CDH11: variants seen among roughly 807,000 people sequenced by gnomAD.
CDH11 encodes the protein cadherin 11, also known as cadherin-11.
Under a neutral mutation model 67.8 loss-of-function variants are expected in CDH11, and 11 were observed. That is an observed-to-expected ratio of 0.16 (90% CI 0.10 to 0.27). CDH11 has a LOEUF of 0.27. CDH11 is among the 10% of genes least tolerant of loss of function. CDH11 has a pLI of 1.00. For missense variants in CDH11, 847 were observed against 1,031.2 expected, an observed-to-expected ratio of 0.82 and a Z score of 2.45; for synonymous variants, 419 against 400.0, an observed-to-expected ratio of 1.05 and a Z score of -0.57.
At chr16:64,953,356 A>G (rs538014031) in intron 11 of CDH11, among the ~76,000 whole-genome samples, 74 of 151,948 alleles carry the variant, frequency 4.9e-4, no homozygotes, top group Non-Finnish European at 9.9e-4. Context: ...AATTCTGAAT[A>G]TTGCAGATGG....
chr16:65,032,938 G>A (rs2073673571), intron 2 of CDH11, among the ~76,000 whole-genome samples: 1 of 152,186 alleles, frequency 6.6e-6, no homozygotes, highest in Non-Finnish European at 1.5e-5. Context: ...GATCACAGCA[G>A]CAATTAGGCA....
intron 2 of CDH11, among the ~76,000 whole-genome samples, chr16:65,052,877 G>C (rs539965079): frequency 1.3e-5 from 2 of 152,310 alleles, no homozygotes; most frequent in South Asian, 4.2e-4. Context: ...CCAAATGATA[G>C]AATGAATAGG....
chr16:65,038,207 G>C (rs1270777838), intron 2 of CDH11, among the ~76,000 whole-genome samples: 1 of 151,980 alleles, frequency 6.6e-6, no homozygotes, highest in Admixed American at 6.6e-5. Flanking sequence ...CTCTGGCAGG[G>C]GGATTACAAG....
chr16:64,968,072 G>A (rs2071891392), intron 11 of CDH11, among the ~76,000 whole-genome samples: 1 of 152,228 alleles, frequency 6.6e-6, no homozygotes, highest in Admixed American at 6.5e-5. Flanking sequence ...GAAGAGACAC[G>A]AGCTTTATAT....
chr16:64,957,643 T>TAC (rs2071554362), intron 11 of CDH11, among the ~76,000 whole-genome samples: 2 of 145,598 alleles, frequency 1.4e-5, no homozygotes, highest in Non-Finnish European at 3.0e-5. Context: ...CCCATCCATA[T>TAC]ATATATATAT....
chr16:64,991,963 G>A (rs775777550), intron 5 of CDH11, 28 bp from the exon 6 acceptor site: 77 of 1,525,654 alleles, frequency 5.0e-5, no homozygotes, highest in Non-Finnish European at 6.7e-5. Flanking sequence ...CAACATCACA[G>A]ATATTCGTTT....
chr16:64,980,202 T>A (rs1455030947), intron 8 of CDH11, among the ~76,000 whole-genome samples: 1 of 152,140 alleles, frequency 6.6e-6, no homozygotes, highest in East Asian at 1.9e-4. Context: ...ATTGTACAAG[T>A]TGAACAGGTA....
At chr16:65,089,335 C>T (rs969917691) in intron 1 of CDH11, among the ~76,000 whole-genome samples, 1 of 152,120 alleles carries the variant, frequency 6.6e-6, no homozygotes, top group Non-Finnish European at 1.5e-5. Context: ...AGAAGATGAT[C>T]AAGTTCTAGG....
intron 11 of CDH11, among the ~76,000 whole-genome samples, chr16:64,955,008 A>T (rs1244433229): frequency 1.3e-5 from 2 of 151,604 alleles, no homozygotes; most frequent in African/African-American, 4.8e-5. Flanking sequence ...GCACTTTGGG[A>T]GGCCGAGGCA....
At chr16:65,115,724 A>AAAAAAAAAAAC (rs2075234019) in intron 1 of CDH11, among the ~76,000 whole-genome samples, 1 of 147,316 alleles carries the variant, frequency 6.8e-6, no homozygotes, top group African/African-American at 2.6e-5. Context: ...AAAAAAAACA[A>AAAAAAAAAAAC]AAAAACAAAA....
At position 65,043,060 on chromosome 16, in the gene CDH11, G is replaced by A. The variant is rs528126168; in HGVS notation, c.-173+10744C>T. On this transcript the variant is annotated intron_variant, in intron 2 of 12. Coordinates refer to ENST00000268603, the MANE Select transcript of CDH11 (RefSeq NM_001797.4). The stretch of plus-strand genomic sequence containing the variant: ...AGGTGACCAGAATGCTCTGAAAGTT[G>A]CATAATTTTAGTGCAGAAACAGGAT... Among the ~76,000 whole-genome samples the A allele has an allele frequency of 5.9e-5, 9 of 152,320 alleles. No individual in the cohort carries two copies. In the South Asian group the frequency reaches 1.9e-3, roughly 32 times the overall value.
chr16:64,959,992 T>C (rs879334980), intron 11 of CDH11, among the ~76,000 whole-genome samples: 1 of 152,218 alleles, frequency 6.6e-6, no homozygotes, highest in African/African-American at 2.4e-5. Flanking sequence ...TGCTTTCTTA[T>C]TTTTATTTTT....
At chr16:64,999,637 G>T (rs1463494203) in intron 3 of CDH11, among the ~76,000 whole-genome samples, 1 of 151,938 alleles carries the variant, frequency 6.6e-6, no homozygotes, top group Non-Finnish European at 1.5e-5. Flanking sequence ...ATGTTCAAGC[G>T]ATTTCTCCTA....
chr16:64,968,368 C>T (rs1319458582), intron 11 of CDH11: 28 of 937,812 alleles, frequency 3.0e-5, no homozygotes, highest in Middle Eastern at 5.5e-4. Context: ...TTTTCTCATC[C>T]ATTACATATT....
At chr16:65,114,650 C>G (rs1487869314) in intron 1 of CDH11, among the ~76,000 whole-genome samples, 1 of 152,100 alleles carries the variant, frequency 6.6e-6, no homozygotes, top group Non-Finnish European at 1.5e-5. Flanking sequence ...TTGCAAGGTG[C>G]AGGCAGGAGG....
chr16:65,120,983 C>T (rs7193430), intron 1 of CDH11, among the ~76,000 whole-genome samples: 32,018 of 152,210 alleles, frequency 0.21, 3,706 homozygotes, highest in Middle Eastern at 0.32. Flanking sequence ...CACCTCCCGG[C>T]TCGCGTTCCG....
At chr16:64,963,743 AG>A (rs1178516861) in intron 11 of CDH11, among the ~76,000 whole-genome samples, 2 of 152,210 alleles carry the variant, frequency 1.3e-5, no homozygotes, top group Non-Finnish European at 2.9e-5. Flanking sequence ...AGAGGAATAA[AG>A]ATAAGAATTA....
chr16:65,006,116 A>G (rs1260721098), intron 2 of CDH11, among the ~76,000 whole-genome samples: 1 of 152,178 alleles, frequency 6.6e-6, no homozygotes, highest in Non-Finnish European at 1.5e-5. Context: ...CTCCTCTCTT[A>G]GAACCATACA....
Position 64,946,729 on chromosome 16 carries a change from A to C in CDH11, c.*874T>G, listed in dbSNP as rs2071204710. On this transcript the variant is annotated 3_prime_UTR_variant, in exon 13 of 13. Coordinates refer to ENST00000268603, the MANE Select transcript of CDH11 (RefSeq NM_001797.4). ...ACAATTAAATTAGAAATATAAATGGATCATTAGAAATACTTAACGTTTGTT... is the reference window on the plus strand; with the variant it reads ...ACAATTAAATTAGAAATATAAATGGCTCATTAGAAATACTTAACGTTTGTT... The C allele has an allele frequency of 1.1e-6, 1 of 903,896 alleles. No homozygotes were observed. Among genetic ancestry groups the C allele is most frequent in the Middle Eastern group, 5.2e-4 (1 of 1,922 alleles). 56.0% of individuals were successfully genotyped at this position (903,896 alleles called of 1,614,324 possible).
Sources: gnomAD v4.1 joint callset for allele counts (sites outside exome capture counted in the v4.1 genomes callset) on GRCh38, gnomAD v4.1.1 for gene constraint, MANE v1.5 for transcripts, NCBI Gene and HGNC (gene_info 2026-07-23, HGNC 2026-07-21) for gene names.